Variants in ZDHHC15 observed in about 807,000 individuals in gnomAD.
ZDHHC15 encodes palmitoyltransferase ZDHHC15.
A neutral mutation model predicts 31.7 loss-of-function variants in ZDHHC15; 19 were observed. The ratio of observed to expected loss-of-function variants is 0.60; its 90% CI spans 0.42 to 0.88. ZDHHC15 has a LOEUF of 0.88. Among genes scored for constraint, ZDHHC15 ranks in the 40% least tolerant of loss-of-function variants. The pLI is 0.00. For synonymous variants in ZDHHC15, 103 were observed against 90.0 expected (o/e 1.14, Z -0.82); for missense variants, 209 against 251.2 (o/e 0.83, Z 1.14).
chrX:75,407,568 G>A (rs868848007), intron 10 of ZDHHC15, among the ~76,000 whole-genome samples: 87 of 108,526 alleles, frequency 8.0e-4, no homozygotes, highest in African/African-American at 1.7e-3. Context: ...GCCCCCGCCC[G>A]GCCAGCTGCC....
intron 11 of ZDHHC15, 125 bp downstream of exon 11, chrX:75,378,995 C>T (rs754393410): frequency 5.9e-6 from 3 of 507,177 alleles, no homozygotes; most frequent in Admixed American, 7.8e-5. Context: ...GCATGCATTA[C>T]AAGAGTGAAG....
chrX:75,376,281 G>A (rs2083059744), intron 11 of ZDHHC15, among the ~76,000 whole-genome samples: 3 of 92,924 alleles, frequency 3.2e-5, no homozygotes, highest in Non-Finnish European at 6.6e-5. Context: ...TGCTTGTTAA[G>A]TTCCCTATAG....
intron 1 of ZDHHC15, among the ~76,000 whole-genome samples, chrX:75,506,090 G>A (rs144118866): frequency 8.5e-4 from 95 of 111,752 alleles, no homozygotes; most frequent in African/African-American, 2.8e-3. Flanking sequence ...TTTCAATCAT[G>A]AGAAGCTGCT....
chrX:75,463,240 T>C (rs1486171201), intron 3 of ZDHHC15, among the ~76,000 whole-genome samples: 2 of 110,390 alleles, frequency 1.8e-5, no homozygotes, highest in Non-Finnish European at 3.8e-5. Flanking sequence ...CAATAATGAG[T>C]TCTGAATTTG....
At chrX:75,484,936 T>C (rs1159552842) in intron 2 of ZDHHC15, among the ~76,000 whole-genome samples, 2 of 111,842 alleles carry the variant, frequency 1.8e-5, no homozygotes, top group Admixed American at 9.5e-5. Context: ...TAAAAATATA[T>C]GATGCTAAGT....
intron 4 of ZDHHC15, among the ~76,000 whole-genome samples, chrX:75,440,982 C>T (rs915673038): frequency 1.8e-5 from 2 of 111,602 alleles, no homozygotes; most frequent in African/African-American, 6.5e-5. Flanking sequence ...AGGCCTCACC[C>T]AACTCCCATG....
chrX:75,386,280 C>A lies in ZDHHC15; in HGVS notation c.968-7082G>T, dbSNP rs773233801. ...TCACAGGAAGGAGATTAATTCCCCC[C>A]AGTCCTGATTATCATTAACACTGGA... On this transcript the variant is annotated intron_variant, in intron 10 of 11. Transcript: ENST00000373367. 5.4e-5 allele frequency among the ~76,000 whole-genome samples: 6 copies of A among 111,814 alleles called. No homozygotes were observed. In the East Asian group the frequency reaches 1.7e-3, roughly 31 times the overall value.
At chrX:75,490,982 A>G (rs1188439605) in intron 2 of ZDHHC15, among the ~76,000 whole-genome samples, 11 of 111,591 alleles carry the variant, frequency 9.9e-5, no homozygotes, top group Non-Finnish European at 1.7e-4. Context: ...AACAACAGGT[A>G]CTGGAGAGGA....
At position 75,450,659 on chromosome X, in the gene ZDHHC15, A is replaced by G. The variant is rs1268455953; in HGVS notation, c.379+143T>C. 12 of 1,150,260 alleles carry G rather than the reference A, an allele frequency of 1.0e-5. 1 individual carries two copies. The Admixed American group carries it at 2.5e-4, about 24-fold the overall frequency. The allele number at this position is 1,150,260 out of a possible 1,213,427, so 94.8% of individuals were successfully genotyped here. A position where few individuals can be genotyped will look rare whatever the true frequency, so the allele number is the denominator to read the frequency against. ...CTTTGATATGTGTTTAAAATTTTTT[A>G]GAAATAAAATGTGGAGAAAAATCTC... On this transcript the variant is annotated intron_variant, in intron 4 of 11. Transcript: ENST00000373367.
chrX:75,439,350 T>C (rs1467994244), intron 4 of ZDHHC15, among the ~76,000 whole-genome samples: 2 of 111,795 alleles, frequency 1.8e-5, no homozygotes, highest in Non-Finnish European at 3.8e-5. Context: ...CTTGGAGCCT[T>C]TGTTCATTTT....
At chrX:75,438,567 C>T (rs771314124) in intron 4 of ZDHHC15, among the ~76,000 whole-genome samples, 32 of 111,175 alleles carry the variant, frequency 2.9e-4, no homozygotes, top group Admixed American at 1.2e-3. Context: ...ATGTTAGGTG[C>T]GTTGAAGACA....
intron 2 of ZDHHC15, among the ~76,000 whole-genome samples, chrX:75,497,672 C>T (rs1305065226): frequency 9.0e-6 from 1 of 111,670 alleles, no homozygotes; most frequent in Admixed American, 9.6e-5. Context: ...GCTAGTTTAA[C>T]ATACGCAAGC....
chrX:75,487,142 C>T (rs1457016107), intron 2 of ZDHHC15, among the ~76,000 whole-genome samples: 2 of 111,987 alleles, frequency 1.8e-5, no homozygotes, highest in African/African-American at 6.5e-5. Flanking sequence ...CAGCTAATTC[C>T]ATGTCCTACA....
intron 10 of ZDHHC15, among the ~76,000 whole-genome samples, chrX:75,410,629 G>A (rs1418671384): frequency 8.9e-6 from 1 of 111,982 alleles, no homozygotes; most frequent in East Asian, 2.8e-4. Flanking sequence ...CTTGCACACT[G>A]TTGGTGGAAA....
rs191923094 is a variant in ZDHHC15, at chrX:75,489,161, G to T, written c.164-10176C>A. 8.0e-3 allele frequency among the ~76,000 whole-genome samples: 901 copies of T among 112,059 alleles called. 11 individuals are homozygous for T. The highest frequency in any genetic ancestry group is 0.027 in the African/African-American group (830 of 30,834). On this transcript the variant is annotated intron_variant, in intron 2 of 11. Coordinates refer to ENST00000373367, the MANE Select transcript of ZDHHC15 (RefSeq NM_144969.3). ...GCCTGCCTCTGTAGACTCCACCTCT[G>T]GGGGCAGGGCACAGACAAACAAAAG...
At chrX:75,444,677 TATATATATATAC>T (rs1432171385) in intron 4 of ZDHHC15, among the ~76,000 whole-genome samples, 14 of 41,765 alleles carry the variant, frequency 3.4e-4, no homozygotes, top group African/African-American at 7.5e-4. Flanking sequence ...TATATATATA[TATATATATATAC>T]ACACACACAC....
Position 75,478,871 on chromosome X carries a change from G to C in ZDHHC15, c.258+20C>G. 1 of 1,135,966 alleles carries C rather than the reference G, an allele frequency of 8.8e-7. No homozygotes were observed. Among genetic ancestry groups the C allele is most frequent in the Non-Finnish European group, 1.2e-6 (1 of 833,664 alleles). The allele number at this position is 1,135,966 out of a possible 1,213,427, so 93.6% of individuals were successfully genotyped here. On this transcript the variant is annotated intron_variant, in intron 3 of 11. Coordinates refer to ENST00000373367, the MANE Select transcript of ZDHHC15 (RefSeq NM_144969.3). ...ACTTTTTTCTGTTCTTATCCTTTAAGAAGTAACCAATATTCTTACCTTCTG... is the reference window on the plus strand; with the variant it reads ...ACTTTTTTCTGTTCTTATCCTTTAACAAGTAACCAATATTCTTACCTTCTG...
At chrX:75,489,042 G>A (rs1466068957) in intron 2 of ZDHHC15, among the ~76,000 whole-genome samples, 2 of 111,853 alleles carry the variant, frequency 1.8e-5, no homozygotes, top group Non-Finnish European at 3.8e-5. Context: ...GCGGCAGGGG[G>A]GAGGAGTGCC....
intron 3 of ZDHHC15, among the ~76,000 whole-genome samples, chrX:75,468,582 C>G (rs904386530): frequency 9.0e-6 from 1 of 111,482 alleles, no homozygotes; most frequent in Non-Finnish European, 1.9e-5. Context: ...GGGTATGTAT[C>G]TAGGAGTGGG....
Sources: allele counts gnomAD v4.1 joint callset (sites outside exome capture counted in the v4.1 genomes callset), GRCh38; gene constraint gnomAD v4.1.1; transcripts MANE v1.5; gene names NCBI Gene and HGNC (gene_info 2026-07-23, HGNC 2026-07-21).